Variants in RBMS3 observed in about 807,000 individuals in gnomAD.
RBMS3 encodes the protein RNA-binding motif, single-stranded-interacting protein 3.
A neutral mutation model predicts 66.8 loss-of-function variants in RBMS3; 27 were observed. The observed-to-expected ratio is 0.40, with a 90% CI of 0.30 to 0.56. The LOEUF is 0.56. RBMS3 is among the 20% of genes least tolerant of loss of function. The pLI is 0.40. For missense variants in RBMS3, 513 were observed against 549.5 expected, an observed-to-expected ratio of 0.93 and a Z score of 0.66; for synonymous variants, 188 against 183.0, an observed-to-expected ratio of 1.03 and a Z score of -0.22.
intron 1 of RBMS3, among the ~76,000 whole-genome samples, chr3:29,396,881 G>T (rs549889339): frequency 1.3e-5 from 2 of 152,228 alleles, no homozygotes; most frequent in East Asian, 3.9e-4. Flanking sequence ...TTACAATCAG[G>T]CAGGGACGTT....
At chr3:29,980,457 T>C (rs1383706856) in intron 12 of RBMS3, among the ~76,000 whole-genome samples, 1 of 152,246 alleles carries the variant, frequency 6.6e-6, no homozygotes, top group Non-Finnish European at 1.5e-5. Flanking sequence ...TTTGTCAATT[T>C]TGGCTTTTGT....
At chr3:29,745,524 C>T (rs1466628268) in intron 5 of RBMS3, among the ~76,000 whole-genome samples, 1 of 151,318 alleles carries the variant, frequency 6.6e-6, no homozygotes, top group Non-Finnish European at 1.5e-5. Context: ...GATTGTCCAG[C>T]AAAAATCACA....
At chr3:29,602,294 A>G (rs1164067114) in intron 4 of RBMS3, among the ~76,000 whole-genome samples, 1 of 152,006 alleles carries the variant, frequency 6.6e-6, no homozygotes, top group African/African-American at 2.4e-5. Flanking sequence ...TGGTCCATGG[A>G]CCCATGTCTG....
chr3:29,549,520 C>T (rs1165641235), intron 3 of RBMS3, among the ~76,000 whole-genome samples: 1 of 151,622 alleles, frequency 6.6e-6, no homozygotes, highest in Non-Finnish European at 1.5e-5. Flanking sequence ...CTGTCTCAGC[C>T]TCCCGAATAG....
At chr3:29,603,109 T>C (rs2048202438) in intron 4 of RBMS3, among the ~76,000 whole-genome samples, 1 of 152,030 alleles carries the variant, frequency 6.6e-6, no homozygotes, top group Non-Finnish European at 1.5e-5. Context: ...ATCATAACTG[T>C]TACCACTCCC....
chr3:29,727,517 A>G, intron 4 of RBMS3, among the ~76,000 whole-genome samples: 1 of 152,276 alleles, frequency 6.6e-6, no homozygotes. Context: ...AATTTACAAG[A>G]AAAAAACAAC....
At chr3:29,849,376 C>T (rs907396818) in intron 6 of RBMS3, among the ~76,000 whole-genome samples, 2 of 151,806 alleles carry the variant, frequency 1.3e-5, no homozygotes, top group Non-Finnish European at 2.9e-5. Context: ...TAACCGGGCA[C>T]AGTGGCAGGT....
intron 1 of RBMS3, among the ~76,000 whole-genome samples, chr3:29,336,066 G>A (rs115442342): frequency 1.7e-3 from 252 of 152,178 alleles, no homozygotes; most frequent in African/African-American, 5.8e-3. Flanking sequence ...CCATAACTTC[G>A]TAGCAAAGCC....
At chr3:29,478,989 A>G (rs1450947659) in intron 2 of RBMS3, among the ~76,000 whole-genome samples, 1 of 152,182 alleles carries the variant, frequency 6.6e-6, no homozygotes, top group East Asian at 1.9e-4. Flanking sequence ...TTTTTGTGGC[A>G]TCTTGACTGG....
chr3:29,947,578 T>A (rs1342316457), intron 12 of RBMS3, among the ~76,000 whole-genome samples: 2 of 151,578 alleles, frequency 1.3e-5, no homozygotes, highest in Non-Finnish European at 3.0e-5. Flanking sequence ...CCTAGCTCAT[T>A]TCAAGGAGGG....
At chr3:29,883,205 AT>A (rs1346327465) in intron 7 of RBMS3, among the ~76,000 whole-genome samples, 1 of 152,026 alleles carries the variant, frequency 6.6e-6, no homozygotes, top group Non-Finnish European at 1.5e-5. Flanking sequence ...CTTTCCCCAT[AT>A]TGTTGGATAT....
intron 1 of RBMS3, among the ~76,000 whole-genome samples, chr3:29,419,449 A>T (rs1434619698): frequency 2.0e-5 from 3 of 152,120 alleles, no homozygotes; most frequent in African/African-American, 7.2e-5. Flanking sequence ...ATTTTTATCA[A>T]TTACCTGAGA....
intron 3 of RBMS3, among the ~76,000 whole-genome samples, chr3:29,504,497 G>T (rs1395307270): frequency 6.6e-6 from 1 of 151,848 alleles, no homozygotes; most frequent in African/African-American, 2.4e-5. Context: ...AATTAAAAAA[G>T]GTTCTGAAGG....
chr3:29,873,235 C>A (rs2059534118), intron 7 of RBMS3, among the ~76,000 whole-genome samples: 1 of 152,230 alleles, frequency 6.6e-6, no homozygotes, highest in Non-Finnish European at 1.5e-5. Flanking sequence ...GGATATTTTT[C>A]TATCTGTTTG....
chr3:29,722,807 A>G (rs375850256), intron 4 of RBMS3, among the ~76,000 whole-genome samples: 8 of 152,142 alleles, frequency 5.3e-5, no homozygotes, highest in South Asian at 2.1e-4. Context: ...TCAGTGTATC[A>G]TATCGAGAGG....
At chr3:29,344,603 A>C (rs1444257528) in intron 1 of RBMS3, among the ~76,000 whole-genome samples, 2 of 152,096 alleles carry the variant, frequency 1.3e-5, no homozygotes, top group African/African-American at 4.8e-5. Context: ...GCAGTCCAAA[A>C]TCAATTAGCT....
At chr3:29,709,697 C>T (rs1237547238) in intron 4 of RBMS3, among the ~76,000 whole-genome samples, 5 of 152,114 alleles carry the variant, frequency 3.3e-5, no homozygotes, top group Non-Finnish European at 7.3e-5. Context: ...TTATGTTTGT[C>T]CCCGAAGTAC....
intron 3 of RBMS3, among the ~76,000 whole-genome samples, chr3:29,522,692 C>T (rs2044909005): frequency 2.0e-5 from 3 of 152,196 alleles, no homozygotes; most frequent in Middle Eastern, 3.4e-3. Context: ...GAAAGAAAAA[C>T]CTTGACTTCT....
chr3:29,416,142 CA>C (rs1297768449), intron 1 of RBMS3, among the ~76,000 whole-genome samples: 3 of 152,096 alleles, frequency 2.0e-5, no homozygotes, highest in Non-Finnish European at 4.4e-5. Context: ...GAGATACTTA[CA>C]TCTGAAAATG....
Sources: gnomAD v4.1 joint callset for allele counts (sites outside exome capture counted in the v4.1 genomes callset) on GRCh38, gnomAD v4.1.1 for gene constraint, MANE v1.5 for transcripts, NCBI Gene and HGNC (gene_info 2026-07-23, HGNC 2026-07-21) for gene names.